The following PTPRK variants were observed in gnomAD, a reference collection of about 807,000 sequenced individuals.
PTPRK encodes the protein receptor-type tyrosine-protein phosphatase kappa.
In PTPRK, 75 loss-of-function variants were observed where a neutral mutation model predicts 178.0. The ratio of observed to expected loss-of-function variants is 0.42; its 90% CI spans 0.35 to 0.51. The LOEUF is 0.51. Ranked by LOEUF, PTPRK falls within the 20% of genes least tolerant of loss-of-function variation. PTPRK has a pLI of 0.02. For synonymous variants in PTPRK, 637 were observed against 620.6 expected (o/e 1.03, Z -0.39); for missense variants, 1,441 against 1,797.8 (o/e 0.80, Z 3.59).
chr6:128,067,872 G>C, intron 11 of PTPRK, 80 bp from the exon 12 acceptor site: 1 of 1,322,532 alleles, frequency 7.6e-7, no homozygotes, highest in Non-Finnish European at 1.0e-6. Context: ...TTTTTTTAAG[G>C]GGTTGACTAT....
intron 6 of PTPRK, among the ~76,000 whole-genome samples, chr6:128,217,281 T>C (rs1809500687): frequency 6.6e-6 from 1 of 152,178 alleles, no homozygotes; most frequent in South Asian, 2.1e-4. Flanking sequence ...CTTGTGCAGG[T>C]GATATGAGCT....
At chr6:128,281,160 T>C (rs58325830) in intron 3 of PTPRK, among the ~76,000 whole-genome samples, 2,236 of 152,264 alleles carry the variant, frequency 0.015, 53 homozygotes, top group African/African-American at 0.049. Flanking sequence ...TCCACTCTGC[T>C]GAACCCTGCA....
At chr6:128,417,385 A>G (rs1014858539) in intron 1 of PTPRK, among the ~76,000 whole-genome samples, 5 of 152,196 alleles carry the variant, frequency 3.3e-5, no homozygotes, top group African/African-American at 1.2e-4. Flanking sequence ...ACCTTTCCCA[A>G]GAATAGGCCA....
intron 3 of PTPRK, among the ~76,000 whole-genome samples, chr6:128,311,550 A>T (rs17055614): frequency 6.6e-6 from 1 of 152,114 alleles, no homozygotes; most frequent in Non-Finnish European, 1.5e-5. Context: ...CCCCTTACAC[A>T]GTATGATCGT....
intron 2 of PTPRK, among the ~76,000 whole-genome samples, chr6:128,338,628 A>G (rs756681187): frequency 2.6e-5 from 4 of 151,772 alleles, no homozygotes; most frequent in Non-Finnish European, 5.9e-5. Flanking sequence ...CCCAACACTC[A>G]GGCTAGGTCC....
chr6:128,011,967 A>G (rs1213520499), intron 13 of PTPRK, among the ~76,000 whole-genome samples: 1 of 151,194 alleles, frequency 6.6e-6, no homozygotes, highest in Non-Finnish European at 1.5e-5. Context: ...TTAATAAAGA[A>G]AAAAAAGCCC....
chr6:127,981,524 C>T (rs377508101), intron 24 of PTPRK, among the ~76,000 whole-genome samples: 8 of 152,128 alleles, frequency 5.3e-5, no homozygotes, highest in African/African-American at 1.7e-4. Context: ...GGAAAAGGTA[C>T]GCTAAACAAC....
At chr6:128,243,328 T>G (rs574564909) in intron 3 of PTPRK, among the ~76,000 whole-genome samples, 1 of 151,316 alleles carries the variant, frequency 6.6e-6, no homozygotes, top group East Asian at 1.9e-4. Flanking sequence ...GTAGTTATAG[T>G]CAATAGCAAA....
intron 1 of PTPRK, among the ~76,000 whole-genome samples, chr6:128,443,331 G>A (rs1000701797): frequency 1.3e-5 from 2 of 151,972 alleles, no homozygotes; most frequent in Non-Finnish European, 2.9e-5. Context: ...GAGGGAAGAG[G>A]GGTGAGGAAG....
At chr6:128,422,951 A>C (rs951134911) in intron 1 of PTPRK, among the ~76,000 whole-genome samples, 2 of 152,206 alleles carry the variant, frequency 1.3e-5, no homozygotes, top group African/African-American at 4.8e-5. Flanking sequence ...AGCACCTAAA[A>C]TCACATGAAT....
intron 6 of PTPRK, among the ~76,000 whole-genome samples, chr6:128,194,739 A>T (rs1410161386): frequency 6.6e-6 from 1 of 152,198 alleles, no homozygotes; most frequent in African/African-American, 2.4e-5. Context: ...GAGACTTTTT[A>T]AAAAATATAT....
chr6:128,296,712 C>T lies in PTPRK; in HGVS notation c.495+25327G>A, dbSNP rs1404849041. The stretch of plus-strand genomic sequence containing the variant: ...CACCACCAGGCCTGCCCTAAAAGAG[C>T]TCCTGAAGGAAGCCCTAAACATGGA... On this transcript the variant is annotated intron_variant, in intron 3 of 29. Coordinates refer to ENST00000368226, the MANE Select transcript of PTPRK (RefSeq NM_002844.4). Among the ~76,000 whole-genome samples the T allele has an allele frequency of 6.6e-5, 10 of 152,256 alleles. 1 individual carries two copies. In the South Asian group the frequency reaches 1.2e-3, roughly 19 times the overall value.
At chr6:128,286,489 A>G (rs756472762) in intron 3 of PTPRK, among the ~76,000 whole-genome samples, 15 of 151,974 alleles carry the variant, frequency 9.9e-5, no homozygotes, top group Non-Finnish European at 2.1e-4. Context: ...TAGAAGTTCC[A>G]TTTGGTTCAT....
At chr6:128,115,130 C>T (rs544537361) in intron 7 of PTPRK, among the ~76,000 whole-genome samples, 8 of 152,130 alleles carry the variant, frequency 5.3e-5, no homozygotes, top group Non-Finnish European at 1.2e-4. Flanking sequence ...TGGCCAACTT[C>T]CAGCTACTGG....
intron 7 of PTPRK, among the ~76,000 whole-genome samples, chr6:128,104,352 G>A (rs1291871054): frequency 1.3e-5 from 2 of 151,988 alleles, no homozygotes; most frequent in African/African-American, 2.4e-5. Flanking sequence ...TCAGCCTCCC[G>A]AGTTGCTGGG....
chr6:128,323,676 G>C (rs1554222408), intron 2 of PTPRK, among the ~76,000 whole-genome samples: 1 of 152,074 alleles, frequency 6.6e-6, no homozygotes, highest in Non-Finnish European at 1.5e-5. Flanking sequence ...GATTGCCACT[G>C]AGTGGTAGGT....
At chr6:127,985,927 T>G in intron 21 of PTPRK, 52 bp from the exon 22 acceptor site, 1 of 1,562,510 alleles carries the variant, frequency 6.4e-7, no homozygotes, top group Non-Finnish European at 8.8e-7. Flanking sequence ...ATGGCCAAAA[T>G]AAAGCCATTA....
intron 3 of PTPRK, among the ~76,000 whole-genome samples, chr6:128,305,038 TC>T (rs1396998356): frequency 6.6e-6 from 1 of 152,174 alleles, no homozygotes; most frequent in Non-Finnish European, 1.5e-5. Context: ...TAAAAATAGC[TC>T]TTTATTCTAC....
At chr6:128,270,654 T>TTA (rs1819662008) in intron 3 of PTPRK, among the ~76,000 whole-genome samples, 1 of 152,192 alleles carries the variant, frequency 6.6e-6, no homozygotes, top group Non-Finnish European at 1.5e-5. Context: ...GAAACATCAA[T>TTA]TATATATGCG....
Sources: allele counts gnomAD v4.1 joint callset (sites outside exome capture counted in the v4.1 genomes callset), GRCh38; gene constraint gnomAD v4.1.1; transcripts MANE v1.5; gene names NCBI Gene and HGNC (gene_info 2026-07-23, HGNC 2026-07-21).